TGFBR1: variants seen among roughly 807,000 people sequenced by gnomAD.
TGFBR1 encodes TGF-beta receptor type-1.
Under a neutral mutation model 55.1 loss-of-function variants are expected in TGFBR1, and 20 were observed. The observed-to-expected ratio is 0.36, with a 90% CI of 0.26 to 0.53. The LOEUF is 0.53. Among genes scored for constraint, TGFBR1 ranks in the 20% least tolerant of loss-of-function variants. TGFBR1 has a pLI of 0.91. For missense variants in TGFBR1, 385 were observed against 617.6 expected (o/e 0.62, Z 3.99); for synonymous variants, 220 against 214.8 (o/e 1.02, Z -0.21).
chr9:99,142,459 G>T (rs1470271952), intron 4 of TGFBR1, 77 bp from the exon 5 acceptor site: 1 of 1,531,730 alleles, frequency 6.5e-7, no homozygotes, highest in African/African-American at 1.4e-5. Context: ...AGGATTGAGA[G>T]TAAAAAGTAA....
At chr9:99,144,958 A>G (rs1362167813) in intron 6 of TGFBR1, 70 bp downstream of exon 6, 7 of 1,537,910 alleles carry the variant, frequency 4.6e-6, no homozygotes, top group Non-Finnish European at 6.2e-6. Context: ...TCATATATAC[A>G]TATCATTGCT....
At chr9:99,127,891 T>A (rs1269055627) in intron 1 of TGFBR1, 1 of 455,570 alleles carries the variant, frequency 2.2e-6, no homozygotes, top group Non-Finnish European at 4.4e-6. Context: ...AATGCTGCTG[T>A]GCATGAGGCA....
At chr9:99,132,841 A>G in intron 3 of TGFBR1, 102 bp downstream of exon 3, 1 of 1,449,192 alleles carries the variant, frequency 6.9e-7, no homozygotes, top group South Asian at 1.2e-5. Context: ...AATGTGAGAT[A>G]GTATAAATAA....
At chr9:99,145,340 A>G (rs1827757323) in intron 6 of TGFBR1, among the ~76,000 whole-genome samples, 1 of 152,128 alleles carries the variant, frequency 6.6e-6, no homozygotes, top group East Asian at 1.9e-4. Context: ...ACTGTTTCTC[A>G]GCCTCATACC....
In TGFBR1 at chr9:99,137,958, G is replaced by A. The variant is rs1827486816; in HGVS notation, c.674G>A (p.Arg225Gln). 6.2e-7 allele frequency: 1 copy of A among 1,614,058 alleles called. No individual in the cohort carries two copies. The highest frequency in any genetic ancestry group is 8.5e-7 in the Non-Finnish European group (1 of 1,179,970). The change falls in exon 4 of 9, where the codon CGG becomes CAG. Residue 225 changes from arginine to glutamine, a missense_variant. Around this residue, in one of 5 missense-constraint regions of TGFBR1, gnomAD observed 85 missense variants for 228.4 expected, o/e 0.37. Transcript: ENST00000374994. ...GGAGAAGTTTGGAGAGGAAAGTGGCGGGGAGAAGAAGTTGCTGTTAAGATA... is the reference window on the plus strand; with the variant it reads ...GGAGAAGTTTGGAGAGGAAAGTGGCAGGGAGAAGAAGTTGCTGTTAAGATA... ...RFGEVWRGKW[R>Q]GEEVAVKIFS...
In TGFBR1 at chr9:99,153,236, C is replaced by T. The variant is rs1010711613; in HGVS notation, c.*3931C>T. Reference sequence around the variant, plus strand: ...AATGTTTAATATTTGTCAGAGCATTCTCCAGGTTTGCAGTTTTATTTCTAT... The same window carrying T: ...AATGTTTAATATTTGTCAGAGCATTTTCCAGGTTTGCAGTTTTATTTCTAT... On this transcript the variant is annotated 3_prime_UTR_variant, in exon 9 of 9. Coordinates refer to ENST00000374994, the MANE Select transcript of TGFBR1 (RefSeq NM_004612.4). 9.0e-6 allele frequency: 2 copies of T among 223,044 alleles called. No individual in the cohort carries two copies. The highest frequency in any genetic ancestry group is 1.8e-5 in the Non-Finnish European group (2 of 111,468). 13.8% of individuals were successfully genotyped at this position (223,044 alleles called of 1,614,324 possible).
At chr9:99,123,498 A>G (rs1452237306) in intron 1 of TGFBR1, among the ~76,000 whole-genome samples, 3 of 152,102 alleles carry the variant, frequency 2.0e-5, no homozygotes, top group African/African-American at 7.2e-5. Flanking sequence ...TTTAAAGTTC[A>G]GGGTTACTTA....
Position 99,153,390 on chromosome 9 carries a change from A to C in TGFBR1, c.*4085A>C, listed in dbSNP as rs1828026916. 2 of 216,342 alleles carry C rather than the reference A, an allele frequency of 9.2e-6. No homozygotes were observed. Among genetic ancestry groups the C allele is most frequent in the East Asian group, 6.9e-5 (1 of 14,556 alleles). The allele number at this position is 216,342 out of a possible 1,614,324, so 13.4% of individuals were successfully genotyped here. A position where few individuals can be genotyped will look rare whatever the true frequency, so the allele number is the denominator to read the frequency against. On this transcript the variant is annotated 3_prime_UTR_variant, in exon 9 of 9. Coordinates refer to ENST00000374994, the MANE Select transcript of TGFBR1 (RefSeq NM_004612.4). ...TGTGCAGGATTCTTTAGGCTTTATC[A>C]GTGTAATCTCTGCCTTTTAAGATAT...
chr9:99,118,417 C>A (rs546835913), intron 1 of TGFBR1, among the ~76,000 whole-genome samples: 1 of 152,140 alleles, frequency 6.6e-6, no homozygotes, highest in Non-Finnish European at 1.5e-5. Flanking sequence ...GACAGTCATG[C>A]AACATTAAAT....
intron 1 of TGFBR1, among the ~76,000 whole-genome samples, chr9:99,116,057 C>G (rs1488792051): frequency 6.6e-6 from 1 of 151,888 alleles, no homozygotes. Context: ...TTCCTTCTTT[C>G]CATGGTGCAT....
rs1564171713 is a variant in TGFBR1 at position 99,144,839 on chromosome 9, G to A, written c.1081G>A (p.Ala361Thr). ...AGGACTGGCAGTAAGACATGATTCAGCCACAGATACCATTGATATTGCTCC... is the reference window on the plus strand; with the variant it reads ...AGGACTGGCAGTAAGACATGATTCAACCACAGATACCATTGATATTGCTCC... ...DLGLAVRHDSATDTIDIAPNH... is the reference protein window; with the variant it reads ...DLGLAVRHDSTTDTIDIAPNH... Residue 361 changes from alanine (A) to threonine (T), a missense_variant, in exon 6 of 9, where the codon GCC (alanine) becomes ACC (threonine). Ala to Thr is a moderately conservative substitution (Grantham distance 58). This residue lies in a region of TGFBR1 where 85 missense variants were observed against 228.4 expected (regional missense o/e 0.37). Coordinates refer to ENST00000374994, the MANE Select transcript of TGFBR1 (RefSeq NM_004612.4). 1 of 1,614,020 alleles carries A rather than the reference G, an allele frequency of 6.2e-7. No homozygotes were observed. Among genetic ancestry groups the A allele is most frequent in the African/African-American group, 1.3e-5 (1 of 75,038 alleles).
intron 1 of TGFBR1, among the ~76,000 whole-genome samples, chr9:99,106,068 A>G (rs1036704217): frequency 3.9e-5 from 6 of 152,252 alleles, no homozygotes; most frequent in African/African-American, 1.4e-4. Flanking sequence ...GATTGTTTTC[A>G]TAGTGGAAAC....
In TGFBR1 at chr9:99,138,829, C is replaced by T. The variant is rs564815484; in HGVS notation, c.805+740C>T. ...TTTTTTTTTTTTTGAGATGGAATCTCGCTCTGTAGCCAGGCTGGAGTACAG... is the reference window on the plus strand; with the variant it reads ...TTTTTTTTTTTTTGAGATGGAATCTTGCTCTGTAGCCAGGCTGGAGTACAG... On this transcript the variant is annotated intron_variant, in intron 4 of 8. Coordinates refer to ENST00000374994, the MANE Select transcript of TGFBR1 (RefSeq NM_004612.4). Among the ~76,000 whole-genome samples, 9 of 151,588 alleles carry T rather than the reference C, an allele frequency of 5.9e-5. No homozygotes were observed. The South Asian group carries it at 1.5e-3, about 24-fold the overall frequency.
chr9:99,113,404 C>T (rs1371067007), intron 1 of TGFBR1, among the ~76,000 whole-genome samples: 2 of 152,188 alleles, frequency 1.3e-5, no homozygotes, highest in Admixed American at 6.5e-5. Context: ...TATCCCTAGA[C>T]CATCTCTCTT....
rs143177738 is a variant in TGFBR1 at position 99,154,112 on chromosome 9, T to G, written c.*4807T>G. 6.6e-5 allele frequency: 15 copies of G among 228,162 alleles called. No homozygotes were observed. The Middle Eastern group carries it at 5.3e-3, about 81-fold the overall frequency. 14.1% of individuals were successfully genotyped at this position (228,162 alleles called of 1,614,324 possible). A position where few individuals can be genotyped will look rare whatever the true frequency, so the allele number is the denominator to read the frequency against. Reference sequence around the variant, plus strand: ...TGGATTTAGGGATTTTTTTTTTTCCTTATAACAAAGACATCACCAGGATAT... The same window carrying G: ...TGGATTTAGGGATTTTTTTTTTTCCGTATAACAAAGACATCACCAGGATAT... On this transcript the variant is annotated 3_prime_UTR_variant, in exon 9 of 9. Transcript: ENST00000374994.
At chr9:99,124,181 C>A (rs1040448972) in intron 1 of TGFBR1, among the ~76,000 whole-genome samples, 3 of 152,132 alleles carry the variant, frequency 2.0e-5, no homozygotes, top group African/African-American at 7.2e-5. Context: ...TCTTGATAAT[C>A]TCTTCTACCG....
chr9:99,106,265 T>C (rs1022997742), intron 1 of TGFBR1, among the ~76,000 whole-genome samples: 17 of 152,198 alleles, frequency 1.1e-4, no homozygotes, highest in African/African-American at 3.6e-4. Flanking sequence ...TTTTTCAAAA[T>C]AGTAAATCAG....
chr9:99,145,721 T>G (rs751636238), intron 6 of TGFBR1: 6 of 152,484 alleles, frequency 3.9e-5, no homozygotes, highest in Non-Finnish European at 8.8e-5. Context: ...GATTTGAACC[T>G]GGGCATTTCT....
At position 99,142,615 on chromosome 9, in the gene TGFBR1, C is replaced by G; in HGVS notation, c.885C>G (p.Tyr295Ter). ...CCCTTTTTGATTACTTAAACAGATA[C>G]ACAGTTACTGTGGAAGGAATGATAA... ...HGSLFDYLNR[Y>*]TVTVEGMIKL... is the part of the protein sequence containing the mutation. Residue 295 changes from tyrosine (Y) to a stop codon, truncating the protein, a stop_gained, in exon 5 of 9, where the codon TAC (tyrosine) becomes TAG (stop). Transcript: ENST00000374994. LOFTEE classifies it high-confidence loss of function. 1 of 1,614,072 alleles carries G rather than the reference C, an allele frequency of 6.2e-7. No individual in the cohort carries two copies. Among genetic ancestry groups the G allele is most frequent in the Non-Finnish European group, 8.5e-7 (1 of 1,179,944 alleles).
Sources: allele counts gnomAD v4.1 joint callset (sites outside exome capture counted in the v4.1 genomes callset), GRCh38; gene constraint gnomAD v4.1.1; regional missense constraint gnomAD v4.1.1; transcripts MANE v1.5; gene names NCBI Gene and HGNC (gene_info 2026-07-23, HGNC 2026-07-21).